The following TRARG1 variants were observed in gnomAD, a reference collection of about 807,000 sequenced individuals.
The protein encoded by TRARG1 is trafficking regulator of GLUT4 1.
A neutral mutation model predicts 13.3 loss-of-function variants in TRARG1; 16 were observed. The observed-to-expected ratio is 1.20, with a 90% CI of 0.81 to 1.83. The LOEUF is 1.83. Among genes scored for constraint, TRARG1 ranks in the 40% most tolerant of loss-of-function variants. TRARG1 has a pLI of 0.00. For missense variants in TRARG1, 250 were observed against 237.4 expected (o/e 1.05, Z -0.35); for synonymous variants, 113 against 106.2 (o/e 1.06, Z -0.39).
At chr17:1,282,003 T>TAC (rs2071977289) in intron 1 of TRARG1, among the ~76,000 whole-genome samples, 1 of 150,308 alleles carries the variant, frequency 6.7e-6, no homozygotes, top group Admixed American at 6.6e-5. Flanking sequence ...TATACAGATA[T>TAC]ACACATATGT....
chr17:1,296,115 A>G (rs930115289), intron 2 of TRARG1, among the ~76,000 whole-genome samples: 9 of 152,274 alleles, frequency 5.9e-5, no homozygotes, highest in Non-Finnish European at 1.5e-5. Context: ...GAATTCAAAA[A>G]GTAGGTGACC....
chr17:1,298,531 G>C lies in TRARG1; in HGVS notation c.*267G>C, dbSNP rs113639740. On this transcript the variant is annotated 3_prime_UTR_variant, in exon 3 of 3. Transcript: ENST00000333813. Reference sequence around the variant, plus strand: ...GCGTCCTGGGATCTCAACCCCAGCAGTCTGGCTTGTTTCTCATTCCCACAA... The same window carrying C: ...GCGTCCTGGGATCTCAACCCCAGCACTCTGGCTTGTTTCTCATTCCCACAA... 1,170 of 421,036 alleles carry C rather than the reference G, an allele frequency of 2.8e-3. 14 individuals are homozygous for C. Among genetic ancestry groups the C allele is most frequent in the African/African-American group, 0.022 (1,102 of 49,816 alleles). The allele number at this position is 421,036 out of a possible 1,614,324, so 26.1% of individuals were successfully genotyped here. A position where few individuals can be genotyped will look rare whatever the true frequency, so the allele number is the denominator to read the frequency against.
intron 2 of TRARG1, among the ~76,000 whole-genome samples, chr17:1,297,949 G>C (rs1047756628): frequency 2.0e-5 from 3 of 152,182 alleles, no homozygotes; most frequent in Non-Finnish European, 4.4e-5. Flanking sequence ...AGCAGGGAAA[G>C]AAGTCTCAAC....
chr17:1,280,220 A>G lies in TRARG1; in HGVS notation c.219A>G (p.Pro73=). 4.3e-6 allele frequency: 7 copies of G among 1,614,050 alleles called. No homozygotes were observed. Among genetic ancestry groups the G allele is most frequent in the African/African-American group, 1.3e-5 (1 of 75,058 alleles). Reference sequence around the variant, plus strand: ...TCTCCGAGGGGCACCTGGAGGCCCCACTGCCTCGGTCCCCCTCCCGGGCCA... The same window carrying G: ...TCTCCGAGGGGCACCTGGAGGCCCCGCTGCCTCGGTCCCCCTCCCGGGCCA... ...KAISEGHLEA[P]LPRSPSRASS... Residue 73 remains proline, a synonymous_variant, in exon 1 of 3, where the codon CCA becomes CCG. Coordinates refer to ENST00000333813, the MANE Select transcript of TRARG1 (RefSeq NM_172367.3).
chr17:1,279,786 C>T lies in TRARG1; in HGVS notation c.-216C>T, dbSNP rs995670263. ...AGGCTCCAGCGTCTTTCTGGGAGCT[C>T]CGCGGGGGCAGCAGGCAGGCCCCAG... On this transcript the variant is annotated 5_prime_UTR_variant, in exon 1 of 3. Coordinates refer to ENST00000333813, the MANE Select transcript of TRARG1 (RefSeq NM_172367.3). The T allele has an allele frequency of 5.8e-6, 3 of 519,166 alleles. No homozygotes were observed. The Admixed American group carries it at 1.0e-4, about 18-fold the overall frequency. The allele number at this position is 519,166 out of a possible 1,614,324, so 32.2% of individuals were successfully genotyped here.
chr17:1,291,877 C>CT (rs1233626137), intron 1 of TRARG1, among the ~76,000 whole-genome samples: 1 of 152,182 alleles, frequency 6.6e-6, no homozygotes, highest in African/African-American at 2.4e-5. Flanking sequence ...CTCAGACTGG[C>CT]TGGGCCCAGT....
intron 2 of TRARG1, among the ~76,000 whole-genome samples, chr17:1,296,153 G>A (rs75203854): frequency 0.032 from 4,831 of 152,316 alleles, 267 homozygotes; most frequent in African/African-American, 0.11. Context: ...AGGTGGCCCG[G>A]TGAAGTCATC....
intron 1 of TRARG1, among the ~76,000 whole-genome samples, chr17:1,283,024 C>T (rs1219715900): frequency 6.6e-6 from 1 of 152,074 alleles, no homozygotes; most frequent in African/African-American, 2.4e-5. Flanking sequence ...GTGATGAATA[C>T]CAGGCTGGGC....
rs369776529 is a variant in TRARG1 at position 1,298,302 on chromosome 17, G to T, written c.*38G>T. The stretch of plus-strand genomic sequence containing the variant: ...AGCTGGGCTAGCAGAGGCCGGCCCT[G>T]GCCATCGGGAGAGCTCTGACCTGCA... On this transcript the variant is annotated 3_prime_UTR_variant, in exon 3 of 3. Transcript: ENST00000333813. 45 of 1,610,498 alleles carry T rather than the reference G, an allele frequency of 2.8e-5. No homozygotes were observed. Among genetic ancestry groups the T allele is most frequent in the Non-Finnish European group, 3.7e-5 (44 of 1,178,504 alleles).
In TRARG1 at chr17:1,296,019, G is replaced by A. The variant is rs998026460; in HGVS notation, c.520+396G>A. Reference sequence around the variant, plus strand: ...GCAGAGGCTTTTGTGAGCATCACCCGAGATAAAGGACGTGACTGTGCTTTG... The same window carrying A: ...GCAGAGGCTTTTGTGAGCATCACCCAAGATAAAGGACGTGACTGTGCTTTG... On this transcript the variant is annotated intron_variant, in intron 2 of 2. Coordinates refer to ENST00000333813, the MANE Select transcript of TRARG1 (RefSeq NM_172367.3). 5.9e-5 allele frequency among the ~76,000 whole-genome samples: 9 copies of A among 152,252 alleles called. No individual in the cohort carries two copies. In the South Asian group the frequency reaches 6.2e-4, roughly 11 times the overall value.
intron 2 of TRARG1, among the ~76,000 whole-genome samples, chr17:1,297,300 T>G (rs2150813153): frequency 6.6e-6 from 1 of 152,192 alleles, no homozygotes; most frequent in African/African-American, 2.4e-5. Context: ...GGTGCCCAAC[T>G]TGAGCTTGGG....
intron 1 of TRARG1, among the ~76,000 whole-genome samples, chr17:1,282,775 C>T (rs943722045): frequency 1.3e-5 from 2 of 151,742 alleles, no homozygotes; most frequent in African/African-American, 2.4e-5. Flanking sequence ...CTGCAAACTC[C>T]GTCTCCCAGG....
intron 1 of TRARG1, among the ~76,000 whole-genome samples, chr17:1,290,936 G>A (rs1040326390): frequency 2.5e-4 from 36 of 145,076 alleles, no homozygotes; most frequent in African/African-American, 8.5e-4. Context: ...CCAGAGTTTC[G>A]TTGTTGTGGC....
intron 1 of TRARG1, among the ~76,000 whole-genome samples, chr17:1,281,375 A>AG (rs35663977): frequency 0.68 from 103,463 of 151,268 alleles, 35,611 homozygotes; most frequent in East Asian, 0.88. Flanking sequence ...CTAGGTGTGG[A>AG]GGGGGGTTCC....
chr17:1,285,220 G>T (rs2072012141), intron 1 of TRARG1, among the ~76,000 whole-genome samples: 1 of 151,866 alleles, frequency 6.6e-6, no homozygotes, highest in South Asian at 2.1e-4. Flanking sequence ...GACCAGCCTG[G>T]CTAACATGGT....
chr17:1,283,366 G>A (rs1280675546), intron 1 of TRARG1, among the ~76,000 whole-genome samples: 1 of 152,178 alleles, frequency 6.6e-6, no homozygotes, highest in African/African-American at 2.4e-5. Flanking sequence ...AGCCTCCCGG[G>A]GGAGGCAGGA....
chr17:1,280,752 G>A (rs78848837), intron 1 of TRARG1, among the ~76,000 whole-genome samples: 3 of 152,276 alleles, frequency 2.0e-5, no homozygotes, highest in South Asian at 2.1e-4. Context: ...AAGGGTCATC[G>A]CCAAGTGGGG....
chr17:1,295,414 A>T, intron 1 of TRARG1, 77 bp from the exon 2 acceptor site: 1 of 1,514,818 alleles, frequency 6.6e-7, no homozygotes, highest in Admixed American at 2.0e-5. Context: ...GGGCCACCCC[A>T]GGGCTGCCTG....
rs2072105435 is a variant in TRARG1 at position 1,295,566 on chromosome 17, A to G, written c.463A>G (p.Thr155Ala). 6.2e-7 allele frequency: 1 copy of G among 1,613,340 alleles called. No individual in the cohort carries two copies. The highest frequency in any genetic ancestry group is 8.5e-7 in the Non-Finnish European group (1 of 1,179,804). Residue 155 changes from threonine (T) to alanine (A), a missense_variant, in exon 2 of 3, where the codon ACC becomes GCC. Transcript: ENST00000333813. ...LGRLARLLSI[T>A]LIIMGIVIIM... ...CCGCCTGGCTCGGCTGCTCAGCATT[A>G]CCCTCATCATCATGGGCATCGTCAT... is the stretch of plus-strand genomic sequence containing the variant.
Sources: allele counts gnomAD v4.1 joint callset (sites outside exome capture counted in the v4.1 genomes callset), GRCh38; gene constraint gnomAD v4.1.1; transcripts MANE v1.5; gene names NCBI Gene and HGNC (gene_info 2026-07-23, HGNC 2026-07-21).